SDK2: variants seen among roughly 807,000 people sequenced by gnomAD.
SDK2 encodes sidekick cell adhesion molecule 2, also known as protein sidekick-2.
A neutral mutation model predicts 253.9 loss-of-function variants in SDK2; 105 were observed. That is an observed-to-expected ratio of 0.41 (90% CI 0.35 to 0.49). The LOEUF (loss-of-function observed/expected upper bound fraction) is 0.49, where lower values mean the gene tolerates loss of function less well. SDK2 is among the 20% of genes least tolerant of loss of function. The probability of loss-of-function intolerance (pLI) is 0.06; values close to 1 mark genes in which losing one functional copy is unlikely to be tolerated. For missense variants in SDK2, 2,608 were observed against 3,003.0 expected (o/e 0.87, Z 3.07); for synonymous variants, 1,249 against 1,234.9 (o/e 1.01, Z -0.24).
At position 73,431,162 on chromosome 17, in the gene SDK2, G is replaced by A. The variant is rs557763518; in HGVS notation, c.1480+340C>T. On this transcript the variant is annotated intron_variant, in intron 11 of 44. Coordinates refer to ENST00000392650, the MANE Select transcript of SDK2 (RefSeq NM_001144952.2). The surrounding 1 kb of genome is among the most constrained non-coding windows in gnomAD (Gnocchi z 5.6). ...TAGTTGAGTCGTTGTGACAGAGACC[G>A]TCTGGCCCACACAGCTTAAAATATT... is the stretch of plus-strand genomic sequence containing the variant. Among the ~76,000 whole-genome samples, 3 of 152,366 alleles carry A rather than the reference G, an allele frequency of 2.0e-5. No individual in the cohort carries two copies. Among genetic ancestry groups the A allele is most frequent in the East Asian group, 1.9e-4 (1 of 5,182 alleles).
At chr17:73,599,159 C>A (rs1282886931) in intron 1 of SDK2, among the ~76,000 whole-genome samples, 9 of 152,194 alleles carry the variant, frequency 5.9e-5, no homozygotes, top group Admixed American at 5.2e-4. Context: ...GGGCCTGGCC[C>A]ACTGATGTGT....
intron 29 of SDK2, among the ~76,000 whole-genome samples, chr17:73,389,987 G>A (rs1237837954): frequency 6.6e-6 from 1 of 152,174 alleles, no homozygotes; most frequent in African/African-American, 2.4e-5. Context: ...GACCTCAAGT[G>A]ATCCACCCGC....
Position 73,390,284 on chromosome 17 carries a change from C to A in SDK2, c.4192+3G>T. The A allele has an allele frequency of 6.4e-7, 1 of 1,569,132 alleles. No homozygotes were observed. The highest frequency in any genetic ancestry group is 8.6e-7 in the Non-Finnish European group (1 of 1,160,756). On this transcript the variant is annotated splice_donor_region_variant and intron_variant, in intron 29 of 44. Transcript: ENST00000392650. ...GCCTTCCCTGGCCCCCGTGGGCAGT[C>A]ACCTCTCTTCTCGGTGGTCACCACC...
intron 3 of SDK2, among the ~76,000 whole-genome samples, chr17:73,470,342 CTCAT>C (rs2063640181): frequency 6.6e-6 from 1 of 152,162 alleles, no homozygotes; most frequent in Non-Finnish European, 1.5e-5. Context: ...CATATACACA[CTCAT>C]TCTTTCCCAG....
At chr17:73,369,324 CAG>C (rs2062714830) in intron 36 of SDK2, 1 of 310,030 alleles carries the variant, frequency 3.2e-6, no homozygotes. Context: ...GTGAGGGATG[CAG>C]AGTCTCAGGG....
intron 12 of SDK2, among the ~76,000 whole-genome samples, chr17:73,429,498 C>G (rs1417690453): frequency 6.6e-6 from 1 of 152,186 alleles, no homozygotes; most frequent in Non-Finnish European, 1.5e-5. Flanking sequence ...TTGTACCAAC[C>G]TGGGCTCCCC....
chr17:73,510,790 G>T (rs773453066), intron 1 of SDK2, among the ~76,000 whole-genome samples: 1 of 152,166 alleles, frequency 6.6e-6, no homozygotes, highest in African/African-American at 2.4e-5. Context: ...CACCATGCCC[G>T]GCTTGCTAAT....
chr17:73,406,832 G>A (rs1264610445), intron 18 of SDK2, among the ~76,000 whole-genome samples: 1 of 152,190 alleles, frequency 6.6e-6, no homozygotes, highest in Non-Finnish European at 1.5e-5. Flanking sequence ...ACTTAGCAAT[G>A]CAGTGCGAAG....
At chr17:73,558,794 G>A (rs1026963590) in intron 1 of SDK2, among the ~76,000 whole-genome samples, 4 of 152,132 alleles carry the variant, frequency 2.6e-5, no homozygotes, top group Non-Finnish European at 5.9e-5. Context: ...TGGAGGATGG[G>A]CTCTCAAATG....
intron 2 of SDK2, among the ~76,000 whole-genome samples, chr17:73,474,407 A>G (rs1004225143): frequency 2.6e-5 from 4 of 152,232 alleles, no homozygotes; most frequent in African/African-American, 9.6e-5. Flanking sequence ...TCAGACTCCA[A>G]GCCTGGCTGT....
At chr17:73,421,021 G>A (rs2063225273) in intron 15 of SDK2, among the ~76,000 whole-genome samples, 1 of 152,246 alleles carries the variant, frequency 6.6e-6, no homozygotes. Context: ...AGGAAGGTGA[G>A]TCAGTGTGAT....
intron 6 of SDK2, among the ~76,000 whole-genome samples, chr17:73,439,342 A>G (rs192620332): frequency 3.9e-4 from 60 of 152,280 alleles, no homozygotes; most frequent in African/African-American, 1.4e-3. Flanking sequence ...CCTTTATAGC[A>G]ATGCAAATGG....
chr17:73,489,669 A>T (rs1214180143), intron 2 of SDK2, among the ~76,000 whole-genome samples: 1 of 152,148 alleles, frequency 6.6e-6, no homozygotes, highest in Non-Finnish European at 1.5e-5. Context: ...AGGTCAAGGG[A>T]TGCTGGAAAG....
intron 1 of SDK2, among the ~76,000 whole-genome samples, chr17:73,574,654 T>C (rs2045434074): frequency 6.6e-6 from 1 of 152,174 alleles, no homozygotes; most frequent in Non-Finnish European, 1.5e-5. Context: ...CTACCTCCCC[T>C]TCGGAACCAA....
chr17:73,348,710 G>A lies in SDK2; in HGVS notation c.6054C>T (p.Pro2018=). ...NGLYTRSPPR[P]SPGSLHYSDE... Reference sequence around the variant, plus strand: ...CCGAGTAGTGCAGGCTGCCTGGGCTGGGCCTGGGGGGAGACCTGGAGAGAG... The same window carrying A: ...CCGAGTAGTGCAGGCTGCCTGGGCTAGGCCTGGGGGGAGACCTGGAGAGAG... Residue 2018 remains proline, a synonymous_variant, in exon 44 of 45, where the codon CCC becomes CCT. Coordinates refer to ENST00000392650, the MANE Select transcript of SDK2 (RefSeq NM_001144952.2). The A allele has an allele frequency of 1.9e-6, 3 of 1,608,666 alleles. No individual in the cohort carries two copies. In the South Asian group the frequency reaches 3.3e-5, roughly 18 times the overall value.
chr17:73,339,612 C>G (rs1346063730), intron 44 of SDK2, among the ~76,000 whole-genome samples: 3 of 150,916 alleles, frequency 2.0e-5, no homozygotes, highest in South Asian at 2.1e-4. Flanking sequence ...GGCTGGAGCA[C>G]AGTGGTGTGA....
chr17:73,460,928 CCT>C (rs1353630903), intron 3 of SDK2, among the ~76,000 whole-genome samples: 1 of 152,144 alleles, frequency 6.6e-6, no homozygotes, highest in Non-Finnish European at 1.5e-5. Context: ...GTTTCTTTCT[CCT>C]CTCTAGTTTT....
chr17:73,598,710 A>G (rs1378892993), intron 1 of SDK2, among the ~76,000 whole-genome samples: 1 of 152,138 alleles, frequency 6.6e-6, no homozygotes, highest in Non-Finnish European at 1.5e-5. Flanking sequence ...GGAGCAGCCC[A>G]TCCCCCTCCA....
At chr17:73,530,272 G>C (rs893186217) in intron 1 of SDK2, among the ~76,000 whole-genome samples, 1 of 152,182 alleles carries the variant, frequency 6.6e-6, no homozygotes, top group Non-Finnish European at 1.5e-5. Flanking sequence ...GGGAGGCCGA[G>C]GGAAACTTAC....
Sources: allele counts gnomAD v4.1 joint callset (sites outside exome capture counted in the v4.1 genomes callset), GRCh38; gene constraint gnomAD v4.1.1; non-coding constraint Gnocchi (gnomAD v3.1); transcripts MANE v1.5; gene names NCBI Gene and HGNC (gene_info 2026-07-23, HGNC 2026-07-21).